The following OC90 variants were observed in gnomAD, a reference collection of about 807,000 sequenced individuals.
The protein encoded by OC90 is otoconin 90.
Under a neutral mutation model 47.3 loss-of-function variants are expected in OC90, and 46 were observed. The ratio of observed to expected loss-of-function variants is 0.97; its 90% confidence interval spans 0.77 to 1.24. OC90 has a LOEUF of 1.24. OC90 is among the 50% of genes most tolerant of loss of function. The pLI is 0.00. For missense variants in OC90, 688 were observed against 583.9 expected, an observed-to-expected ratio of 1.18 and a Z score of -1.84; for synonymous variants, 271 against 219.5, an observed-to-expected ratio of 1.23 and a Z score of -2.07.
chr8:132,049,479 G>A (rs1291279050), intron 2 of OC90, among the ~76,000 whole-genome samples: 1 of 152,180 alleles, frequency 6.6e-6, no homozygotes, highest in Non-Finnish European at 1.5e-5. Context: ...CCAGGTCAGG[G>A]TGTATGAATG....
chr8:132,055,034 G>A lies in OC90; in HGVS notation c.-8C>T. 1 of 1,550,890 alleles carries A rather than the reference G, an allele frequency of 6.4e-7. No homozygotes were observed. Among genetic ancestry groups the A allele is most frequent in the Non-Finnish European group, 8.7e-7 (1 of 1,146,668 alleles). On this transcript the variant is annotated 5_prime_UTR_variant, in exon 2 of 14. Transcript: ENST00000254627. The stretch of plus-strand genomic sequence containing the variant: ...GAGGAGAAACGCAATCATAGCAGGA[G>A]AACAAAGGATGGGGCTTAGGCAGCA...
chr8:132,044,374 G>C lies in OC90; in HGVS notation c.169+59C>G, dbSNP rs1297358616. The C allele has an allele frequency of 6.2e-6, 6 of 965,840 alleles. No homozygotes were observed. In the East Asian group the frequency reaches 1.6e-4, roughly 25 times the overall value. 59.8% of individuals were successfully genotyped at this position (965,840 alleles called of 1,614,324 possible). On this transcript the variant is annotated intron_variant, in intron 4 of 13. Coordinates refer to ENST00000254627, the MANE Select transcript of OC90 (RefSeq NM_001080399.3). ...GACCAAGGCCCTTGCAATTTCCTTA[G>C]ATTTGTCCACACATGCTCTGACCTC...
In OC90 at chr8:132,033,283, C is replaced by A. The variant is rs149838617; in HGVS notation, c.734-119G>T. 1,637 of 1,034,094 alleles carry A rather than the reference C, an allele frequency of 1.6e-3. 24 individuals are homozygous for A. In the African/African-American group the frequency reaches 0.024, roughly 15 times the overall value. The allele number at this position is 1,034,094 out of a possible 1,614,324, so 64.1% of individuals were successfully genotyped here. On this transcript the variant is annotated intron_variant, in intron 10 of 13. Transcript: ENST00000254627. ...ACAACATAGTGTTAGGAGAATGTTC[C>A]TCAAACTGGGTTTGCAGATGTCCAG...
chr8:132,030,056 A>C (rs1462845421), intron 12 of OC90, among the ~76,000 whole-genome samples: 3 of 152,096 alleles, frequency 2.0e-5, no homozygotes, highest in Non-Finnish European at 4.4e-5. Flanking sequence ...GGAACAATCC[A>C]CCTTGTATGC....
chr8:132,045,761 C>A, intron 3 of OC90, 57 bp downstream of exon 3: 1 of 973,012 alleles, frequency 1.0e-6, no homozygotes, highest in South Asian at 1.4e-5. Context: ...ATTTTCTCTG[C>A]CAATATCCTA....
At chr8:132,047,664 A>G (rs545715372) in intron 2 of OC90, among the ~76,000 whole-genome samples, 1 of 152,324 alleles carries the variant, frequency 6.6e-6, no homozygotes, top group South Asian at 2.1e-4. Flanking sequence ...GCTTCTAAAA[A>G]GGTAAGTATT....
chr8:132,050,333 T>G (rs1174821366), intron 2 of OC90, among the ~76,000 whole-genome samples: 1 of 152,118 alleles, frequency 6.6e-6, no homozygotes, highest in Admixed American at 6.5e-5. Flanking sequence ...GGTGGAGTCA[T>G]AGGAAGGCAC....
intron 4 of OC90, among the ~76,000 whole-genome samples, chr8:132,042,434 G>A (rs1035962062): frequency 1.3e-5 from 2 of 152,130 alleles, no homozygotes; most frequent in African/African-American, 4.8e-5. Flanking sequence ...TTTGTCACAT[G>A]GGTAAATTGA....
chr8:132,027,205 G>T (rs561838822), intron 13 of OC90, among the ~76,000 whole-genome samples: 2 of 152,170 alleles, frequency 1.3e-5, no homozygotes, highest in Non-Finnish European at 2.9e-5. Context: ...ATAGTTAGTC[G>T]CTTGCCTACA....
At chr8:132,051,737 G>A (rs1290135760) in intron 2 of OC90, among the ~76,000 whole-genome samples, 2 of 152,162 alleles carry the variant, frequency 1.3e-5, no homozygotes, top group Admixed American at 1.3e-4. Context: ...TCTTTGCAGG[G>A]ATGGGCAGAT....
At chr8:132,041,011 GC>G in intron 6 of OC90, 32 bp downstream of exon 6, 1 of 1,318,972 alleles carries the variant, frequency 7.6e-7, no homozygotes, top group Non-Finnish European at 1.1e-6. Flanking sequence ...TCATTTCTGG[GC>G]CCAGGCCCCT....
intron 2 of OC90, among the ~76,000 whole-genome samples, chr8:132,050,260 T>A (rs1823194505): frequency 6.6e-6 from 1 of 152,054 alleles, no homozygotes; most frequent in Non-Finnish European, 1.5e-5. Flanking sequence ...AGGATATCAA[T>A]GATGTGGACC....
chr8:132,045,693 C>T (rs779353513), intron 3 of OC90, 125 bp downstream of exon 3: 1 of 612,178 alleles, frequency 1.6e-6, no homozygotes, highest in East Asian at 2.8e-5. Context: ...CCACTTCAAT[C>T]CCTTTACTTA....
chr8:132,050,401 C>T (rs1823196097), intron 2 of OC90, among the ~76,000 whole-genome samples: 1 of 152,150 alleles, frequency 6.6e-6, no homozygotes, highest in African/African-American at 2.4e-5. Context: ...CACTCATGTT[C>T]TCAGTAACAT....
intron 2 of OC90, among the ~76,000 whole-genome samples, chr8:132,052,145 G>C (rs576771275): frequency 6.6e-6 from 1 of 152,200 alleles, no homozygotes; most frequent in Non-Finnish European, 1.5e-5. Context: ...CCCTTTGCCA[G>C]GTTTGCGGAA....
Position 132,024,632 on chromosome 8 carries a change from C to G in OC90, c.1283G>C (p.Ser428Thr), listed in dbSNP as rs1822728207. 1.9e-6 allele frequency: 3 copies of G among 1,613,602 alleles called. No individual in the cohort carries two copies. Among genetic ancestry groups the G allele is most frequent in the Non-Finnish European group, 2.5e-6 (3 of 1,179,744 alleles). Reference protein sequence around the residue: ...CPGQPAACEDSLHPVPAAPTL... With the variant: ...CPGQPAACEDTLHPVPAAPTL... ...GGGGGCTGCGGGCACAGGGTGCAGG[C>G]TGTCTTCACAGGCTGCTGGCTGCCC... The change falls in exon 14 of 14, where the codon AGC becomes ACC. Residue 428 changes from serine to threonine, a missense_variant. By Grantham distance (58) the Ser-to-Thr change is moderately conservative. Transcript: ENST00000254627.
At chr8:132,050,493 C>A (rs1325912959) in intron 2 of OC90, among the ~76,000 whole-genome samples, 1 of 152,198 alleles carries the variant, frequency 6.6e-6, no homozygotes, top group East Asian at 1.9e-4. Context: ...GAAACCACCT[C>A]TGCCTTAAGG....
intron 13 of OC90, among the ~76,000 whole-genome samples, chr8:132,027,974 A>T (rs1166834436): frequency 6.6e-6 from 1 of 152,192 alleles, no homozygotes; most frequent in Non-Finnish European, 1.5e-5. Context: ...TAACTGTGTG[A>T]TCTTGGGCCT....
At chr8:132,043,683 C>T (rs1405627040) in intron 4 of OC90, among the ~76,000 whole-genome samples, 1 of 152,140 alleles carries the variant, frequency 6.6e-6, no homozygotes, top group East Asian at 1.9e-4. Context: ...GTTTTGTACC[C>T]ACAAGACCTA....
Sources: allele counts gnomAD v4.1 joint callset (sites outside exome capture counted in the v4.1 genomes callset), GRCh38; gene constraint gnomAD v4.1.1; transcripts MANE v1.5; gene names NCBI Gene and HGNC (gene_info 2026-07-23, HGNC 2026-07-21).